SKA1: variants seen among roughly 807,000 people sequenced by gnomAD.
The protein encoded by SKA1 is SKA complex subunit 1.
A neutral mutation model predicts 31.8 loss-of-function variants in SKA1; 20 were observed. The observed-to-expected ratio is 0.63, with a 90% confidence interval of 0.44 to 0.91. SKA1 has a LOEUF of 0.91. Ranked by LOEUF, SKA1 falls within the 40% of genes least tolerant of loss-of-function variation. The pLI is 0.00. For missense variants in SKA1, 253 were observed against 298.2 expected (o/e 0.85, Z 1.12); for synonymous variants, 88 against 100.5 (o/e 0.88, Z 0.74).
At chr18:50,390,098 GA>G (rs2149323437) in intron 5 of SKA1, among the ~76,000 whole-genome samples, 1 of 152,316 alleles carries the variant, frequency 6.6e-6, no homozygotes, top group South Asian at 2.1e-4. Context: ...GAGAAGATTT[GA>G]AGGAATACAT....
At chr18:50,385,466 TAA>T (rs2041299930) in intron 5 of SKA1, 113 bp downstream of exon 5, 7 of 1,052,062 alleles carry the variant, frequency 6.7e-6, no homozygotes, top group Non-Finnish European at 9.2e-6. Flanking sequence ...ATTGATCTTT[TAA>T]AAAAGTTTCA....
chr18:50,384,735 T>C (rs1264571810), intron 4 of SKA1, among the ~76,000 whole-genome samples: 7 of 127,788 alleles, frequency 5.5e-5, no homozygotes, highest in South Asian at 2.4e-4. Context: ...AGGGATAGCA[T>C]TGGGAGATAT....
intron 5 of SKA1, among the ~76,000 whole-genome samples, chr18:50,389,916 A>G (rs1417751785): frequency 1.3e-5 from 2 of 152,174 alleles, no homozygotes; most frequent in African/African-American, 4.8e-5. Flanking sequence ...TTTTTCAACT[A>G]GGGGTTATTT....
At chr18:50,379,998 G>A in intron 2 of SKA1, 128 bp from the exon 3 acceptor site, 1 of 690,206 alleles carries the variant, frequency 1.4e-6, no homozygotes. Flanking sequence ...TTTTCTAGGG[G>A]CTAAAGCAGT....
At chr18:50,380,888 A>G (rs571085447) in intron 3 of SKA1, among the ~76,000 whole-genome samples, 1 of 152,316 alleles carries the variant, frequency 6.6e-6, no homozygotes, top group African/African-American at 2.4e-5. Context: ...GAGCTGGGGA[A>G]TTGCTCAGTG....
At chr18:50,386,834 C>T (rs2041312583) in intron 5 of SKA1, among the ~76,000 whole-genome samples, 1 of 152,100 alleles carries the variant, frequency 6.6e-6, no homozygotes, top group African/African-American at 2.4e-5. Flanking sequence ...ATTTATGATC[C>T]CTTGTACCTT....
chr18:50,375,598 G>C (rs1207443755), intron 1 of SKA1, among the ~76,000 whole-genome samples: 2 of 152,184 alleles, frequency 1.3e-5, no homozygotes, highest in African/African-American at 4.8e-5. Context: ...TCTTTCCCCT[G>C]GTTTGGGATC....
chr18:50,391,641 T>C (rs142373522), intron 6 of SKA1, among the ~76,000 whole-genome samples: 12 of 152,304 alleles, frequency 7.9e-5, no homozygotes, highest in Non-Finnish European at 1.6e-4. Context: ...TTTTAGGAAA[T>C]TGAATAGTAA....
intron 4 of SKA1, among the ~76,000 whole-genome samples, chr18:50,384,675 G>T (rs2041288854): frequency 7.6e-6 from 1 of 130,882 alleles, no homozygotes; most frequent in African/African-American, 3.0e-5. Context: ...ATGGACACAG[G>T]AAGGGGAATA....
At position 50,384,213 on chromosome 18, in the gene SKA1, T is replaced by C. The variant is rs1032936248; in HGVS notation, c.312-1003T>C. ...TTTACCATTCAGATAAGATAGGGTA[T>C]AGCTTTCCAGATTTTACTTAACTAC... On this transcript the variant is annotated intron_variant, in intron 4 of 6. Transcript: ENST00000285116. Among the ~76,000 whole-genome samples, 5 of 152,254 alleles carry C rather than the reference T, an allele frequency of 3.3e-5. No homozygotes were observed. The South Asian group carries it at 8.3e-4, about 25-fold the overall frequency.
At chr18:50,378,545 T>C (rs1232632670) in intron 2 of SKA1, among the ~76,000 whole-genome samples, 1 of 151,872 alleles carries the variant, frequency 6.6e-6, no homozygotes, top group Non-Finnish European at 1.5e-5. Context: ...TGTGGTGGCG[T>C]TTACCTGTAG....
rs1568328805 is a variant in SKA1, at chr18:50,381,722, G to GTTTTTTTTTTTTTTT, written c.214-407_214-406insTTTTTTTTTTTTTTT. 1.6e-5 allele frequency among the ~76,000 whole-genome samples: 2 copies of GTTTTTTTTTTTTTTT among 125,884 alleles called. 1 individual carries two copies. 82.6% of individuals were successfully genotyped at this position (125,884 alleles called of 152,430 possible). A position where few individuals can be genotyped will look rare whatever the true frequency, so the allele number is the denominator to read the frequency against. ...GCATTTTCGGTACTCCAGTCAATGT[G>GTTTTTTTTTTTTTTT]GTTTTTTTTTTTTTTTTTTTTTGAG... On this transcript the variant is annotated intron_variant, in intron 3 of 6. Coordinates refer to ENST00000285116, the MANE Select transcript of SKA1 (RefSeq NM_145060.4).
Position 50,375,904 on chromosome 18 carries a change from C to G in SKA1, c.74C>G (p.Ser25Ter), listed in dbSNP as rs187659169. The G allele has an allele frequency of 6.3e-7, 1 of 1,594,646 alleles. No individual in the cohort carries two copies. Among genetic ancestry groups the G allele is most frequent in the Non-Finnish European group, 8.6e-7 (1 of 1,165,616 alleles). Reference sequence around the variant, plus strand: ...ATTGGCAATATTAAGAAAACCTTATCATTAAGAAACTGTGGTAAGTAAAAC... The same window carrying G: ...ATTGGCAATATTAAGAAAACCTTATGATTAAGAAACTGTGGTAAGTAAAAC... ...EKIGNIKKTL[S>*]LRNCGQEPTL... The change falls in exon 2 of 7, where the codon TCA (serine) becomes TGA (stop). Residue 25 changes from serine to a stop codon, truncating the protein, a stop_gained. Transcript: ENST00000285116. LOFTEE classifies it high-confidence loss of function.
rs184860182 is a variant in SKA1, at chr18:50,385,751, A to G, written c.449+398A>G. On this transcript the variant is annotated intron_variant, in intron 5 of 6. Coordinates refer to ENST00000285116, the MANE Select transcript of SKA1 (RefSeq NM_145060.4). ...CCCCGCACTTGTTTGAGCCTGTGCT[A>G]TATTCCAGGCCCTGGGTCACTCAGA... 5.9e-3 allele frequency among the ~76,000 whole-genome samples: 893 copies of G among 152,304 alleles called. 8 individuals carry two copies. Among genetic ancestry groups the G allele is most frequent in the African/African-American group, 0.021 (861 of 41,530 alleles).
At chr18:50,375,967 A>G (rs1970679) in intron 2 of SKA1, 49 bp downstream of exon 2, 873,796 of 1,225,428 alleles carry the variant, frequency 0.71, 311,866 homozygotes, top group East Asian at 0.84. Flanking sequence ...ATGCATTTTG[A>G]TTATTCCACT....
chr18:50,375,923 G>A lies in SKA1; in HGVS notation c.88+5G>A. 3.9e-6 allele frequency: 6 copies of A among 1,538,286 alleles called. No individual in the cohort carries two copies. Among genetic ancestry groups the A allele is most frequent in the Non-Finnish European group, 5.4e-6 (6 of 1,118,222 alleles). ...CCTTATCATTAAGAAACTGTGGTAA[G>A]TAAAACAGATTCCACTGACTTTGTA... On this transcript the variant is annotated splice_donor_5th_base_variant and intron_variant, in intron 2 of 6. Transcript: ENST00000285116.
At chr18:50,386,920 A>G (rs1359803983) in intron 5 of SKA1, among the ~76,000 whole-genome samples, 1 of 152,228 alleles carries the variant, frequency 6.6e-6, no homozygotes, top group East Asian at 1.9e-4. Context: ...TTGTTTATTC[A>G]TTCACCTATT....
Position 50,382,338 on chromosome 18 carries a change from G to A in SKA1, c.311+112G>A, listed in dbSNP as rs567256895. On this transcript the variant is annotated intron_variant, in intron 4 of 6. Coordinates refer to ENST00000285116, the MANE Select transcript of SKA1 (RefSeq NM_145060.4). ...TTGCAGTTTTGTCAGCGATGATCTA[G>A]TTTTTTGTCACCTATACTAAAAACA... 588 of 591,462 alleles carry A rather than the reference G, an allele frequency of 9.9e-4. 1 individual carries two copies. Among genetic ancestry groups the A allele is most frequent in the Non-Finnish European group, 9.8e-4 (350 of 358,354 alleles). 36.6% of individuals were successfully genotyped at this position (591,462 alleles called of 1,614,324 possible).
At chr18:50,384,828 C>T (rs1361062607) in intron 4 of SKA1, among the ~76,000 whole-genome samples, 2 of 96,716 alleles carry the variant, frequency 2.1e-5, no homozygotes, top group African/African-American at 1.1e-4. Context: ...GCACAATGTG[C>T]ACATGTACCC....
Sources: gnomAD v4.1 joint callset for allele counts (sites outside exome capture counted in the v4.1 genomes callset) on GRCh38, gnomAD v4.1.1 for gene constraint, MANE v1.5 for transcripts, NCBI Gene and HGNC (gene_info 2026-07-23, HGNC 2026-07-21) for gene names.